The following ADSL variants were observed in gnomAD, a reference collection of about 807,000 sequenced individuals.
ADSL encodes adenylosuccinate lyase, also known as adenylosuccinase.
ADSL carries 44 observed loss-of-function variants against 62.1 expected under a neutral mutation model. The ratio of observed to expected loss-of-function variants is 0.71; its 90% CI spans 0.56 to 0.91. The LOEUF is 0.91. ADSL is among the 40% of genes least tolerant of loss of function. The pLI is 0.00. For synonymous variants in ADSL, 198 were observed against 220.5 expected, an observed-to-expected ratio of 0.90 and a Z score of 0.90; for missense variants, 531 against 627.4, an observed-to-expected ratio of 0.85 and a Z score of 1.64.
chr22:40,370,853 C>T (rs1471223530), downstream of ADSL, among the ~76,000 whole-genome samples: 1 of 152,166 alleles, frequency 6.6e-6, no homozygotes, highest in Non-Finnish European at 1.5e-5. Context: ...CCGGGCCGAC[C>T]TTGCTCGCGT....
chr22:40,364,415 C>T (rs2044920966), intron 11 of ADSL, 50 bp downstream of exon 11: 1 of 1,482,084 alleles, frequency 6.7e-7, no homozygotes, highest in African/African-American at 1.4e-5. Context: ...ACGTTTGGTC[C>T]TGCTCTCTTC....
At chr22:40,364,408 T>G in intron 11 of ADSL, 43 bp downstream of exon 11, 1 of 1,536,344 alleles carries the variant, frequency 6.5e-7, no homozygotes, top group South Asian at 1.1e-5. Context: ...AGAGTGCACG[T>G]TTGGTCCTGC....
chr22:40,379,450 C>G (rs1212665597), intron 2 of ADSL: 1 of 152,236 alleles, frequency 6.6e-6, no homozygotes, highest in Non-Finnish European at 1.5e-5. Flanking sequence ...ATCACCTCTT[C>G]ATAAGGACCA....
chr22:40,366,559 G>T lies in ADSL; in HGVS notation c.*37G>T. 1 of 1,463,770 alleles carries T rather than the reference G, an allele frequency of 6.8e-7. No individual in the cohort carries two copies. The highest frequency in any genetic ancestry group is 9.6e-7 in the Non-Finnish European group (1 of 1,043,360). The allele number at this position is 1,463,770 out of a possible 1,614,324, so 90.7% of individuals were successfully genotyped here. A position where few individuals can be genotyped will look rare whatever the true frequency, so the allele number is the denominator to read the frequency against. On this transcript the variant is annotated 3_prime_UTR_variant, in exon 13 of 13. Transcript: ENST00000623063. ...AATTAAACGAAAATCATTGTTAATT[G>T]CTGAGGCATGAAAATTGTGTTACTA... is the stretch of plus-strand genomic sequence containing the variant.
chr22:40,376,344 A>T (rs1337398278), intron 2 of ADSL: 1 of 151,902 alleles, frequency 6.6e-6, no homozygotes, highest in Admixed American at 6.6e-5. Flanking sequence ...GTTGGAGTGC[A>T]GTGGCATGAT....
intron 7 of ADSL, 89 bp from the exon 8 acceptor site, chr22:40,361,184 C>T: frequency 8.0e-7 from 1 of 1,245,586 alleles, no homozygotes; most frequent in Non-Finnish European, 1.2e-6. Context: ...CACCTAAGAG[C>T]TCATCTCCTT....
chr22:40,373,455 C>T (rs2045952298), downstream of ADSL: 1 of 152,194 alleles, frequency 6.6e-6, no homozygotes, highest in South Asian at 2.1e-4. Context: ...ATGAATTCCT[C>T]TCAACGATTT....
chr22:40,386,514 G>T (rs2048468139), intron 2 of ADSL, among the ~76,000 whole-genome samples: 1 of 148,162 alleles, frequency 6.7e-6, no homozygotes, highest in Admixed American at 6.8e-5. Flanking sequence ...TTCTGGTCTG[G>T]CTATGCTGCT....
At chr22:40,380,147 A>T (rs151161808) in intron 2 of ADSL, among the ~76,000 whole-genome samples, 1 of 152,288 alleles carries the variant, frequency 6.6e-6, no homozygotes, top group Non-Finnish European at 1.5e-5. Context: ...TAAAGTAGTG[A>T]AGTGCTGTCC....
rs1395622939 is a variant in ADSL at position 40,363,063 on chromosome 22, T to C, written c.1093T>C (p.Tyr365His). The C allele has an allele frequency of 3.1e-6, 5 of 1,613,768 alleles. No individual in the cohort carries two copies. In the African/African-American group the frequency reaches 6.7e-5, roughly 22 times the overall value. The change falls in exon 10 of 13, where the codon TAC (tyrosine) becomes CAC (histidine). Residue 365 changes from tyrosine (Y) to histidine (H), a missense_variant. Transcript: ENST00000623063. ...LQNISEGLVV[Y>H]PKVIERRIRQ... ...GAACATTTCTGAAGGATTGGTCGTGTACCCCAAAGTAAGAAGCCTCAATTC... is the reference window on the plus strand; with the variant it reads ...GAACATTTCTGAAGGATTGGTCGTGCACCCCAAAGTAAGAAGCCTCAATTC...
At chr22:40,349,531 T>C (rs1416272033) in intron 1 of ADSL, among the ~76,000 whole-genome samples, 1 of 151,952 alleles carries the variant, frequency 6.6e-6, no homozygotes, top group Non-Finnish European at 1.5e-5. Flanking sequence ...CACGCCACCA[T>C]GCCTGGCTAA....
At chr22:40,360,612 A>C in intron 7 of ADSL, 120 bp downstream of exon 7, 1 of 742,352 alleles carries the variant, frequency 1.3e-6, no homozygotes, top group Non-Finnish European at 2.3e-6. Context: ...TAGTTTTAAT[A>C]ATTTGTGGTC....
chr22:40,374,363 G>A (rs368818151), downstream of ADSL, among the ~76,000 whole-genome samples: 6 of 152,210 alleles, frequency 3.9e-5, no homozygotes, highest in African/African-American at 1.2e-4. Context: ...GTAGTGTCAA[G>A]ACTGCGTGCT....
At chr22:40,359,839 C>G (rs1324951530) in intron 6 of ADSL, among the ~76,000 whole-genome samples, 1 of 152,140 alleles carries the variant, frequency 6.6e-6, no homozygotes, top group Non-Finnish European at 1.5e-5. Flanking sequence ...CCTGCATTCT[C>G]TTTTTGTATA....
chr22:40,381,654 G>GT (rs1225260685), intron 2 of ADSL, among the ~76,000 whole-genome samples: 1 of 152,134 alleles, frequency 6.6e-6, no homozygotes, highest in Non-Finnish European at 1.5e-5. Context: ...GCAATTTGTT[G>GT]TAAGTTAATA....
At chr22:40,380,981 T>G (rs2047468545) in intron 2 of ADSL, among the ~76,000 whole-genome samples, 1 of 152,148 alleles carries the variant, frequency 6.6e-6, no homozygotes, top group Admixed American at 6.6e-5. Context: ...AGCTTCTATT[T>G]TTGTAAATTG....
intron 4 of ADSL, among the ~76,000 whole-genome samples, chr22:40,356,974 C>G (rs2044585322): frequency 6.6e-6 from 1 of 152,212 alleles, no homozygotes; most frequent in Admixed American, 6.5e-5. Context: ...CAGCTCACTG[C>G]AGCCTCAGCT....
chr22:40,348,853 C>G (rs762662635), intron 1 of ADSL: 31 of 352,182 alleles, frequency 8.8e-5, no homozygotes, highest in Middle Eastern at 7.3e-4. Context: ...GTATTCAGCC[C>G]TTGGATCTAA....
chr22:40,386,772 T>A (rs972642172), intron 2 of ADSL, among the ~76,000 whole-genome samples: 2 of 152,002 alleles, frequency 1.3e-5, no homozygotes, highest in African/African-American at 4.8e-5. Flanking sequence ...AGGATCCTTC[T>A]AACTCTATAA....
Sources: allele counts gnomAD v4.1 joint callset (sites outside exome capture counted in the v4.1 genomes callset), GRCh38; gene constraint gnomAD v4.1.1; transcripts MANE v1.5; gene names NCBI Gene and HGNC (gene_info 2026-07-23, HGNC 2026-07-21).